The following MYO5A variants were observed in gnomAD, a reference collection of about 807,000 sequenced individuals.
MYO5A encodes the protein unconventional myosin-Va.
Under a neutral mutation model 249.7 loss-of-function variants are expected in MYO5A, and 98 were observed. That is an observed-to-expected ratio of 0.39 (90% CI 0.33 to 0.46). MYO5A has a LOEUF of 0.46. MYO5A is among the 20% of genes least tolerant of loss of function. The probability of loss-of-function intolerance (pLI) is 0.98; values close to 1 mark genes in which losing one functional copy is unlikely to be tolerated. For synonymous variants in MYO5A, 778 were observed against 810.6 expected (o/e 0.96, Z 0.68); for missense variants, 1,696 against 2,308.8 (o/e 0.73, Z 5.44).
intron 1 of MYO5A, among the ~76,000 whole-genome samples, chr15:52,522,242 G>T (rs2077637732): frequency 6.6e-6 from 1 of 152,204 alleles, no homozygotes; most frequent in Admixed American, 6.5e-5. Context: ...TGATGGAAAT[G>T]TTCTGCATCT....
chr15:52,474,866 T>C (rs1204731068), intron 1 of MYO5A, among the ~76,000 whole-genome samples: 1 of 152,232 alleles, frequency 6.6e-6, no homozygotes, highest in African/African-American at 2.4e-5. Context: ...GTTGTGTCTC[T>C]GCCAGGCTTT....
intron 9 of MYO5A, among the ~76,000 whole-genome samples, chr15:52,403,543 G>C (rs935225444): frequency 2.0e-5 from 3 of 152,172 alleles, no homozygotes; most frequent in African/African-American, 7.2e-5. Context: ...CTTAGGGGTA[G>C]GGAAATAGAC....
At chr15:52,442,844 C>T (rs1374674262) in intron 1 of MYO5A, among the ~76,000 whole-genome samples, 1 of 151,958 alleles carries the variant, frequency 6.6e-6, no homozygotes, top group Non-Finnish European at 1.5e-5. Context: ...CAACCTCCAC[C>T]TCCCAGGTTC....
intron 12 of MYO5A, among the ~76,000 whole-genome samples, chr15:52,391,203 T>C (rs530998540): frequency 1.3e-5 from 2 of 152,340 alleles, no homozygotes; most frequent in Non-Finnish European, 1.5e-5. Flanking sequence ...TCATTTAGTA[T>C]TATCAAATGA....
intron 2 of MYO5A, among the ~76,000 whole-genome samples, chr15:52,431,901 G>A (rs1162758631): frequency 1.3e-5 from 2 of 151,914 alleles, no homozygotes; most frequent in South Asian, 2.1e-4. Flanking sequence ...CTGAGCCTGG[G>A]AGGCATGATC....
chr15:52,368,512 G>A (rs1040862279), intron 22 of MYO5A, among the ~76,000 whole-genome samples: 1 of 152,094 alleles, frequency 6.6e-6, no homozygotes, highest in African/African-American at 2.4e-5. Flanking sequence ...TGTAACTTCT[G>A]GGCTCCTTGA....
At chr15:52,485,260 A>T (rs1477984117) in intron 1 of MYO5A, among the ~76,000 whole-genome samples, 1 of 73,400 alleles carries the variant, frequency 1.4e-5, no homozygotes, top group Non-Finnish European at 2.7e-5. Context: ...TTCACTATGT[A>T]AAAAAAAAAA....
chr15:52,358,412 C>CT (rs1306135165), intron 25 of MYO5A, among the ~76,000 whole-genome samples: 2 of 152,212 alleles, frequency 1.3e-5, no homozygotes, highest in Non-Finnish European at 2.9e-5. Context: ...TCTTCAAAGT[C>CT]TAACTTTGTG....
chr15:52,379,324 A>G (rs2041609484), intron 18 of MYO5A, among the ~76,000 whole-genome samples: 1 of 152,208 alleles, frequency 6.6e-6, no homozygotes, highest in Non-Finnish European at 1.5e-5. Flanking sequence ...TTTCTTAATC[A>G]CACAGCATTT....
At chr15:52,415,803 G>C (rs1724630) in intron 5 of MYO5A, among the ~76,000 whole-genome samples, 48,420 of 151,968 alleles carry the variant, frequency 0.32, 9,952 homozygotes, top group East Asian at 0.66. Context: ...TGAGTAACTT[G>C]TACTTCTGGT....
At chr15:52,378,899 T>C (rs1281559697) in intron 18 of MYO5A, among the ~76,000 whole-genome samples, 1 of 152,184 alleles carries the variant, frequency 6.6e-6, no homozygotes, top group Non-Finnish European at 1.5e-5. Flanking sequence ...GCAATCTGTA[T>C]TTTAACAAGC....
At chr15:52,369,374 C>T (rs1220122176) in intron 22 of MYO5A, among the ~76,000 whole-genome samples, 1 of 152,158 alleles carries the variant, frequency 6.6e-6, no homozygotes, top group African/African-American at 2.4e-5. Flanking sequence ...TACTTTTTTC[C>T]AGGAAGCCTA....
intron 1 of MYO5A, among the ~76,000 whole-genome samples, chr15:52,526,510 C>T (rs1016437968): frequency 3.9e-5 from 6 of 152,034 alleles, no homozygotes; most frequent in African/African-American, 1.5e-4. Flanking sequence ...TACAGGCATG[C>T]GCCACCACGC....
intron 1 of MYO5A, among the ~76,000 whole-genome samples, chr15:52,470,306 C>G (rs985905230): frequency 6.6e-6 from 1 of 152,076 alleles, no homozygotes; most frequent in Non-Finnish European, 1.5e-5. Context: ...GTGTTGAATT[C>G]ATAGGGTTCT....
intron 11 of MYO5A, among the ~76,000 whole-genome samples, chr15:52,395,479 T>C (rs1326889316): frequency 1.3e-5 from 2 of 152,230 alleles, no homozygotes; most frequent in East Asian, 1.9e-4. Flanking sequence ...CTAATTCCTA[T>C]GGGCATCTCA....
intron 9 of MYO5A, among the ~76,000 whole-genome samples, chr15:52,403,507 A>G (rs2042851713): frequency 6.6e-6 from 1 of 152,262 alleles, no homozygotes; most frequent in African/African-American, 2.4e-5. Flanking sequence ...GCAAATCTAT[A>G]GAGGCAGAAA....
chr15:52,320,680 A>G (rs945575494), intron 38 of MYO5A, among the ~76,000 whole-genome samples: 2 of 152,174 alleles, frequency 1.3e-5, no homozygotes, highest in Admixed American at 6.5e-5. Context: ...TGGAAAATGC[A>G]TGCATGGGGA....
chr15:52,397,503 T>A, intron 9 of MYO5A, 37 bp from the exon 10 acceptor site: 1 of 1,605,692 alleles, frequency 6.2e-7, no homozygotes, highest in Non-Finnish European at 8.5e-7. Flanking sequence ...TATGACCAGA[T>A]AAATCAAGTA....
intron 39 of MYO5A, among the ~76,000 whole-genome samples, chr15:52,318,115 G>A (rs2038112945): frequency 6.6e-6 from 1 of 152,100 alleles, no homozygotes; most frequent in Non-Finnish European, 1.5e-5. Flanking sequence ...TTTGATAGGA[G>A]AAATCATTTT....
Sources: gnomAD v4.1 joint callset for allele counts (sites outside exome capture counted in the v4.1 genomes callset) on GRCh38, gnomAD v4.1.1 for gene constraint, MANE v1.5 for transcripts, NCBI Gene and HGNC (gene_info 2026-07-23, HGNC 2026-07-21) for gene names.